KIAA0319L: variants seen among roughly 807,000 people sequenced by gnomAD.
KIAA0319L encodes dyslexia-associated protein KIAA0319-like protein.
A neutral mutation model predicts 120.1 loss-of-function variants in KIAA0319L; 55 were observed. The ratio of observed to expected loss-of-function variants is 0.46; its 90% CI spans 0.37 to 0.57. The LOEUF (loss-of-function observed/expected upper bound fraction) is 0.57. Among genes scored for constraint, KIAA0319L ranks in the 20% least tolerant of loss-of-function variants. The pLI, the probability that KIAA0319L is intolerant of heterozygous loss-of-function variation, is 0.00. For synonymous variants in KIAA0319L, 398 were observed against 471.9 expected, an observed-to-expected ratio of 0.84 and a Z score of 2.03; for missense variants, 1,049 against 1,255.3, an observed-to-expected ratio of 0.84 and a Z score of 2.48.
intron 2 of KIAA0319L, among the ~76,000 whole-genome samples, chr1:35,514,317 A>C (rs921779667): frequency 3.3e-5 from 5 of 151,810 alleles, no homozygotes; most frequent in African/African-American, 1.2e-4. Context: ...ATCAACAAAC[A>C]TTTACGAACA....
At position 35,453,498 on chromosome 1, in the gene KIAA0319L, C is replaced by T; in HGVS notation, c.1913+59G>A. 1 of 1,552,582 alleles carries T rather than the reference C, an allele frequency of 6.4e-7. No individual in the cohort carries two copies. On this transcript the variant is annotated intron_variant, in intron 12 of 20. Transcript: ENST00000325722. This position sits in a 1 kb window ranked among gnomAD's most constrained non-coding sequence, Gnocchi z 4.1. ...ACTCAACTCATAATAGCAAATAAAA[C>T]CTTGCTCTTCCAAGGTCTGGAGGCT...
chr1:35,505,878 G>C (rs1052033297), intron 3 of KIAA0319L, among the ~76,000 whole-genome samples: 2 of 152,192 alleles, frequency 1.3e-5, no homozygotes, highest in Non-Finnish European at 2.9e-5. Flanking sequence ...TTAGTACACA[G>C]AGCGCTTGGC....
intron 2 of KIAA0319L, among the ~76,000 whole-genome samples, chr1:35,512,898 A>G (rs1489533975): frequency 6.7e-6 from 1 of 149,796 alleles, no homozygotes; most frequent in Non-Finnish European, 1.5e-5. Context: ...AAAAAGAATG[A>G]AAGAAGGGAT....
At chr1:35,464,916 T>C (rs922683515) in intron 7 of KIAA0319L, among the ~76,000 whole-genome samples, 1 of 152,186 alleles carries the variant, frequency 6.6e-6, no homozygotes, top group South Asian at 2.1e-4. Flanking sequence ...GCAGTTTCCA[T>C]GTGGTGTTGA....
At chr1:35,527,005 G>A (rs1646173664) in intron 2 of KIAA0319L, among the ~76,000 whole-genome samples, 1 of 152,192 alleles carries the variant, frequency 6.6e-6, no homozygotes, top group Non-Finnish European at 1.5e-5. Flanking sequence ...TTAAGCCCAG[G>A]AGGTTGAGGC....
chr1:35,435,199 G>C, intron 20 of KIAA0319L, 118 bp from the exon 21 acceptor site: 4 of 901,980 alleles, frequency 4.4e-6, no homozygotes, highest in Non-Finnish European at 5.2e-6. Context: ...CTCCTCTCCA[G>C]GCTGGGAGGT....
At position 35,450,324 on chromosome 1, in the gene KIAA0319L, T is replaced by C. The variant is rs186215507; in HGVS notation, c.2214+34A>G. 2.1e-5 allele frequency: 34 copies of C among 1,598,130 alleles called. No individual in the cohort carries two copies. In the East Asian group the frequency reaches 2.5e-4, roughly 12 times the overall value. On this transcript the variant is annotated intron_variant, in intron 14 of 20. Coordinates refer to ENST00000325722, the MANE Select transcript of KIAA0319L (RefSeq NM_024874.5). ...ACGCGTGGCTCCTCCTCCTCCCCAC[T>C]CCTGTGTAGCTCTCCAGCTCCTAGC...
At chr1:35,488,476 C>T (rs935187292) in intron 3 of KIAA0319L, among the ~76,000 whole-genome samples, 2 of 152,212 alleles carry the variant, frequency 1.3e-5, no homozygotes, top group East Asian at 1.9e-4. Context: ...AAGGAAATTA[C>T]AGGAAGTTAT....
chr1:35,492,468 C>G (rs983744794), intron 3 of KIAA0319L, among the ~76,000 whole-genome samples: 1 of 151,898 alleles, frequency 6.6e-6, no homozygotes, highest in African/African-American at 2.4e-5. Flanking sequence ...GAGCCAAGAT[C>G]AAGCCACTGC....
At chr1:35,501,254 T>C (rs1644994901) in intron 3 of KIAA0319L, among the ~76,000 whole-genome samples, 1 of 152,192 alleles carries the variant, frequency 6.6e-6, no homozygotes, top group African/African-American at 2.4e-5. Flanking sequence ...AAGTTTGAAT[T>C]TTCACCATCC....
At chr1:35,526,372 C>CATATATATATACATACATATATATAT (rs1558595632) in intron 2 of KIAA0319L, among the ~76,000 whole-genome samples, 17 of 128,224 alleles carry the variant, frequency 1.3e-4, no homozygotes, top group Admixed American at 2.5e-4. Flanking sequence ...TATATACATA[C>CATATATATATACATACATATATATAT]ATATATATAT....
intron 17 of KIAA0319L, 47 bp from the exon 18 acceptor site, chr1:35,443,075 G>A (rs1300129283): frequency 6.2e-7 from 1 of 1,612,820 alleles, no homozygotes; most frequent in Non-Finnish European, 8.5e-7. Context: ...CTCAGCCAGG[G>A]GTGACAAGCA....
chr1:35,554,130 C>T (rs1412108096), intron 2 of KIAA0319L, among the ~76,000 whole-genome samples: 1 of 152,148 alleles, frequency 6.6e-6, no homozygotes, highest in Admixed American at 6.5e-5. Flanking sequence ...AACGGTTGTG[C>T]CAATTCTCCC....
intron 4 of KIAA0319L, among the ~76,000 whole-genome samples, chr1:35,475,990 C>A (rs950275759): frequency 6.6e-6 from 1 of 152,196 alleles, no homozygotes; most frequent in African/African-American, 2.4e-5. Flanking sequence ...CTAAATACAG[C>A]ATTTTGTTTC....
chr1:35,463,704 C>A (rs1643058049), intron 7 of KIAA0319L, among the ~76,000 whole-genome samples: 1 of 152,182 alleles, frequency 6.6e-6, no homozygotes, highest in African/African-American at 2.4e-5. Context: ...AAGAAAAGAG[C>A]ATTGAGAATT....
chr1:35,514,814 C>G (rs1645614728), intron 2 of KIAA0319L, among the ~76,000 whole-genome samples: 1 of 152,158 alleles, frequency 6.6e-6, no homozygotes, highest in Admixed American at 6.5e-5. Context: ...ACTCCACTGA[C>G]AGTATTAGAC....
Position 35,457,288 on chromosome 1 carries a change from C to T in KIAA0319L, c.1428-1047G>A, listed in dbSNP as rs368915582. Among the ~76,000 whole-genome samples the T allele has an allele frequency of 3.4e-3, 524 of 152,186 alleles. 2 individuals carry two copies. Among genetic ancestry groups the T allele is most frequent in the Non-Finnish European group, 4.8e-3 (326 of 67,998 alleles). ...CTTAGTCCCTATTCCCGATTCCCTA[C>T]GCTATGTAGTGCAAGCTCCGTCTGC... On this transcript the variant is annotated intron_variant, in intron 9 of 20. Coordinates refer to ENST00000325722, the MANE Select transcript of KIAA0319L (RefSeq NM_024874.5).
chr1:35,444,898 T>C (rs554348861), intron 16 of KIAA0319L, among the ~76,000 whole-genome samples: 11 of 152,236 alleles, frequency 7.2e-5, no homozygotes, highest in Non-Finnish European at 1.5e-4. Context: ...GCCCAGAATC[T>C]GTTTGCTGAT....
At chr1:35,548,270 T>C (rs1045817847) in intron 2 of KIAA0319L, among the ~76,000 whole-genome samples, 1 of 152,078 alleles carries the variant, frequency 6.6e-6, no homozygotes, top group African/African-American at 2.4e-5. Flanking sequence ...TCCTGGACTA[T>C]TTCATTAACA....
Sources: allele counts gnomAD v4.1 joint callset (sites outside exome capture counted in the v4.1 genomes callset), GRCh38; gene constraint gnomAD v4.1.1; non-coding constraint Gnocchi (gnomAD v3.1); transcripts MANE v1.5; gene names NCBI Gene and HGNC (gene_info 2026-07-23, HGNC 2026-07-21).